The following MACROD2 variants were observed in gnomAD, a reference collection of about 807,000 sequenced individuals.
MACROD2 encodes the protein mono-ADP ribosylhydrolase 2, also known as ADP-ribose glycohydrolase MACROD2.
In MACROD2, 36 loss-of-function variants were observed where a neutral mutation model predicts 70.4. That is an observed-to-expected ratio of 0.51 (90% CI 0.39 to 0.68). MACROD2 has a LOEUF of 0.68. MACROD2 is among the 30% of genes least tolerant of loss of function. MACROD2 has a pLI of 0.00. For missense variants in MACROD2, 496 were observed against 538.4 expected (o/e 0.92, Z 0.78); for synonymous variants, 172 against 178.8 (o/e 0.96, Z 0.30).
chr20:15,786,310 T>G (rs755985281), intron 8 of MACROD2, among the ~76,000 whole-genome samples: 51 of 151,822 alleles, frequency 3.4e-4, no homozygotes, highest in Non-Finnish European at 5.3e-4. Flanking sequence ...TGAGAAAACA[T>G]GAGTTGAGAA....
chr20:14,069,320 A>G (rs2053808824), intron 2 of MACROD2, among the ~76,000 whole-genome samples: 1 of 152,090 alleles, frequency 6.6e-6, no homozygotes, highest in Non-Finnish European at 1.5e-5. Flanking sequence ...TACAACTTAG[A>G]TTTCCTTTTT....
intron 15 of MACROD2, among the ~76,000 whole-genome samples, chr20:16,029,599 G>A (rs1308717049): frequency 2.0e-5 from 3 of 152,134 alleles, no homozygotes; most frequent in Non-Finnish European, 4.4e-5. Flanking sequence ...GAACGAGCCT[G>A]GTGTTGCCCT....
chr20:14,318,332 C>T (rs1383543405), intron 3 of MACROD2, among the ~76,000 whole-genome samples: 4 of 152,158 alleles, frequency 2.6e-5, no homozygotes, highest in Admixed American at 6.5e-5. Flanking sequence ...TCCACACCCC[C>T]GTGGCTGCAT....
chr20:14,870,996 A>C (rs963801273), intron 5 of MACROD2, among the ~76,000 whole-genome samples: 1 of 152,000 alleles, frequency 6.6e-6, no homozygotes, highest in African/African-American at 2.4e-5. Flanking sequence ...AATTGCTTTT[A>C]GTGTCTTCAT....
chr20:14,880,662 C>T (rs990062373), intron 5 of MACROD2, among the ~76,000 whole-genome samples: 1 of 152,228 alleles, frequency 6.6e-6, no homozygotes, highest in African/African-American at 2.4e-5. Context: ...GCAAAACACC[C>T]TTCAGCTGCA....
intron 11 of MACROD2, 69 bp downstream of exon 11, chr20:15,933,407 A>T (rs1425547491): frequency 7.1e-7 from 1 of 1,407,228 alleles, no homozygotes; most frequent in African/African-American, 1.4e-5. Context: ...ACTTCACTCA[A>T]TGCTATTGTC....
chr20:15,080,898 GC>G (rs1399257008), intron 5 of MACROD2, among the ~76,000 whole-genome samples: 6 of 151,492 alleles, frequency 4.0e-5, no homozygotes, highest in African/African-American at 1.5e-4. Context: ...CTTCTTTCTC[GC>G]CTTTTCTCCC....
chr20:15,610,467 A>G (rs1202241958), intron 8 of MACROD2, among the ~76,000 whole-genome samples: 3 of 152,122 alleles, frequency 2.0e-5, no homozygotes, highest in African/African-American at 7.2e-5. Context: ...TCTCCGCCTT[A>G]GACTTCACAT....
In MACROD2 at chr20:14,314,760, CTAAATAAATAAATAAA is replaced by C. The variant is rs112460293; in HGVS notation, c.272-178698_272-178683del. Among the ~76,000 whole-genome samples the C allele has an allele frequency of 3.4e-3, 497 of 148,086 alleles. 4 individuals carry two copies. The highest frequency in any genetic ancestry group is 5.3e-3 in the Admixed American group (78 of 14,848). On this transcript the variant is annotated intron_variant, in intron 3 of 17. Transcript: ENST00000684519. ...GGGCAACAAGAGTGAGACTTCGTCT[CTAAATAAATAAATAAA>C]TAAATAAATAAATAAATAAAATTTT...
intron 4 of MACROD2, among the ~76,000 whole-genome samples, chr20:14,661,312 C>T (rs1986215564): frequency 6.6e-6 from 1 of 152,052 alleles, no homozygotes; most frequent in Admixed American, 6.6e-5. Flanking sequence ...TGATTTTGAG[C>T]GTTTTTTCAT....
chr20:16,022,216 A>G (rs949160182), intron 15 of MACROD2, among the ~76,000 whole-genome samples: 8 of 151,906 alleles, frequency 5.3e-5, no homozygotes, highest in Non-Finnish European at 8.8e-5. Flanking sequence ...ATACCCGGCT[A>G]AGTTTTTGTA....
chr20:14,541,688 G>A (rs182521663), intron 4 of MACROD2, among the ~76,000 whole-genome samples: 5 of 152,010 alleles, frequency 3.3e-5, no homozygotes, highest in Admixed American at 6.6e-5. Flanking sequence ...TAAAACCGCC[G>A]GTATTATCAG....
intron 3 of MACROD2, among the ~76,000 whole-genome samples, chr20:14,123,523 C>T (rs548366978): frequency 6.6e-6 from 1 of 152,270 alleles, no homozygotes; most frequent in South Asian, 2.1e-4. Flanking sequence ...AGAAATCTTG[C>T]AGTGCGGCAT....
At chr20:14,529,927 G>A (rs1352194644) in intron 4 of MACROD2, among the ~76,000 whole-genome samples, 1 of 152,210 alleles carries the variant, frequency 6.6e-6, no homozygotes, top group East Asian at 1.9e-4. Flanking sequence ...AGGTTGGGTT[G>A]CCTCAGAAGC....
intron 5 of MACROD2, among the ~76,000 whole-genome samples, chr20:15,100,227 T>G (rs944721417): frequency 2.8e-4 from 42 of 152,140 alleles, no homozygotes; most frequent in African/African-American, 9.2e-4. Context: ...AGACTATAGA[T>G]AGTTCCCAAC....
chr20:15,740,425 C>T (rs1170024046), intron 8 of MACROD2, among the ~76,000 whole-genome samples: 1 of 152,162 alleles, frequency 6.6e-6, no homozygotes, highest in African/African-American at 2.4e-5. Flanking sequence ...AAGACAGATA[C>T]ACCTTGATGG....
intron 4 of MACROD2, among the ~76,000 whole-genome samples, chr20:14,545,916 C>T (rs1367339874): frequency 6.6e-6 from 1 of 152,122 alleles, no homozygotes; most frequent in Non-Finnish European, 1.5e-5. Flanking sequence ...TTATTTTAGC[C>T]ATGTTCTAGA....
chr20:15,314,654 C>T (rs1272504932), intron 6 of MACROD2, among the ~76,000 whole-genome samples: 6 of 152,112 alleles, frequency 3.9e-5, no homozygotes, highest in Non-Finnish European at 4.4e-5. Context: ...TTTGCCTAAA[C>T]TTGAACTCAT....
At chr20:14,725,150 A>C (rs2071513833) in intron 5 of MACROD2, among the ~76,000 whole-genome samples, 1 of 152,124 alleles carries the variant, frequency 6.6e-6, no homozygotes. Flanking sequence ...GGATGACAAC[A>C]CCATTTCCTG....
Sources: gnomAD v4.1 joint callset for allele counts (sites outside exome capture counted in the v4.1 genomes callset) on GRCh38, gnomAD v4.1.1 for gene constraint, MANE v1.5 for transcripts, NCBI Gene and HGNC (gene_info 2026-07-23, HGNC 2026-07-21) for gene names.